Variants in MBNL2 observed in about 807,000 individuals in gnomAD.
MBNL2 encodes the protein muscleblind-like protein 2.
MBNL2 carries 17 observed loss-of-function variants against 41.9 expected under a neutral mutation model. That is an observed-to-expected ratio of 0.41 (90% confidence interval 0.28 to 0.61). MBNL2 has a LOEUF of 0.61. Ranked by LOEUF, MBNL2 falls within the 20% of genes least tolerant of loss-of-function variation. The probability of loss-of-function intolerance (pLI) is 0.35; values close to 1 mark genes in which losing one functional copy is unlikely to be tolerated. For missense variants in MBNL2, 336 were observed against 505.6 expected, an observed-to-expected ratio of 0.66 and a Z score of 3.22; for synonymous variants, 195 against 182.9, an observed-to-expected ratio of 1.07 and a Z score of -0.53.
intron 3 of MBNL2, among the ~76,000 whole-genome samples, chr13:97,337,434 C>CTCCG (rs1012831693): frequency 6.6e-6 from 1 of 152,180 alleles, no homozygotes; most frequent in African/African-American, 2.4e-5. Flanking sequence ...ACACTCCTTC[C>CTCCG]TCCGTCTCCT....
chr13:97,334,279 C>T lies in MBNL2; in HGVS notation c.178C>T (p.Arg60Cys), dbSNP rs749646129. The T allele has an allele frequency of 3.1e-6, 5 of 1,606,770 alleles. No individual in the cohort carries two copies. The highest frequency in any genetic ancestry group is 4.2e-6 in the Non-Finnish European group (5 of 1,177,224). The change falls in exon 3 of 9, where the codon CGT (arginine) becomes TGT (cysteine). Residue 60 changes from arginine to cysteine, a missense_variant. Physicochemically the swap from Arg to Cys is radical, Grantham distance 180. Coordinates refer to ENST00000679496, the MANE Select transcript of MBNL2 (RefSeq NM_001382683.1). The surrounding 1 kb of genome is among the most constrained non-coding windows in gnomAD (Gnocchi z 5.3). ...AAACCAACACTTGTTTTTACAGGGCCGTTGTTCGAGAGAGAACTGCAAGTA... is the reference window on the plus strand; with the variant it reads ...AAACCAACACTTGTTTTTACAGGGCTGTTGTTCGAGAGAGAACTGCAAGTA... ...VIACFDSLKGRCSRENCKYLH... is the reference protein window; with the variant it reads ...VIACFDSLKGCCSRENCKYLH...
At chr13:97,329,632 ACACAACAC>A in intron 2 of MBNL2, among the ~76,000 whole-genome samples, 1 of 147,958 alleles carries the variant, frequency 6.8e-6, no homozygotes, top group South Asian at 2.1e-4. Context: ...CACACTAGAC[ACACAACAC>A]ACACACAATA....
chr13:97,297,870 G>A (rs993672999), intron 2 of MBNL2, among the ~76,000 whole-genome samples: 8 of 152,092 alleles, frequency 5.3e-5, no homozygotes, highest in African/African-American at 9.6e-5. Flanking sequence ...GAAATAAGAC[G>A]AAAAGACAAA....
At chr13:97,340,944 C>T (rs2061396710) in intron 3 of MBNL2, among the ~76,000 whole-genome samples, 1 of 152,128 alleles carries the variant, frequency 6.6e-6, no homozygotes, top group Non-Finnish European at 1.5e-5. Flanking sequence ...AAGCAAAGTA[C>T]AACCCGTATT....
intron 7 of MBNL2, among the ~76,000 whole-genome samples, chr13:97,360,559 G>A (rs1355360477): frequency 1.3e-5 from 2 of 152,158 alleles, no homozygotes; most frequent in Non-Finnish European, 2.9e-5. Context: ...TTTATTCTAA[G>A]TTACTGTAAG....
At chr13:97,381,564 T>C (rs2065454265) in intron 8 of MBNL2, among the ~76,000 whole-genome samples, 2 of 151,862 alleles carry the variant, frequency 1.3e-5, no homozygotes, top group African/African-American at 4.8e-5. Context: ...GGGAGCAAAA[T>C]CTCATTTTGA....
chr13:97,221,234 A>C (rs1594050159), upstream of MBNL2, among the ~76,000 whole-genome samples: 1 of 152,282 alleles, frequency 6.6e-6, no homozygotes, highest in East Asian at 1.9e-4. Context: ...TCTTGGTCTC[A>C]TCATGTAATC....
chr13:97,180,896 T>C, the MBNL2 span, among the ~76,000 whole-genome samples: 1,353 of 152,270 alleles, frequency 8.9e-3, 18 homozygotes, highest in African/African-American at 0.031. Flanking sequence ...CCAAATGGGT[T>C]ACATTTTATT....
At chr13:97,209,976 AG>A in the MBNL2 span, among the ~76,000 whole-genome samples, 1 of 152,112 alleles carries the variant, frequency 6.6e-6, no homozygotes, top group Admixed American at 6.5e-5. Flanking sequence ...TTGTGCTTTT[AG>A]TAGAGACGGG....
At chr13:97,299,154 G>A (rs2057355879) in intron 2 of MBNL2, among the ~76,000 whole-genome samples, 1 of 152,118 alleles carries the variant, frequency 6.6e-6, no homozygotes, top group South Asian at 2.1e-4. Context: ...GATGGTTTTT[G>A]TTAGTACTAG....
chr13:97,261,545 G>A (rs1190292837), intron 1 of MBNL2, among the ~76,000 whole-genome samples: 1 of 152,138 alleles, frequency 6.6e-6, no homozygotes, highest in Non-Finnish European at 1.5e-5. Context: ...AGGGTAGATG[G>A]AGACAGCATA....
intron 2 of MBNL2, among the ~76,000 whole-genome samples, chr13:97,289,669 A>G (rs1322801201): frequency 1.3e-5 from 2 of 152,220 alleles, no homozygotes; most frequent in Non-Finnish European, 2.9e-5. Context: ...TTTAGTGCCA[A>G]GCACTATGTT....
At chr13:97,276,451 G>A (rs764806493) in intron 2 of MBNL2, 42 bp downstream of exon 2, 2 of 1,545,104 alleles carry the variant, frequency 1.3e-6, no homozygotes, top group Admixed American at 3.4e-5. Flanking sequence ...TACCACATTG[G>A]AATTGCAAAC....
chr13:97,327,302 C>T (rs1225802321), intron 2 of MBNL2, among the ~76,000 whole-genome samples: 1 of 152,088 alleles, frequency 6.6e-6, no homozygotes, highest in Non-Finnish European at 1.5e-5. Context: ...CAGAACATAC[C>T]TGGACCATTG....
chr13:97,246,322 G>T, intron 1 of MBNL2, among the ~76,000 whole-genome samples: 1 of 150,272 alleles, frequency 6.7e-6, no homozygotes, highest in Admixed American at 6.6e-5. Flanking sequence ...TATTTATGTG[G>T]GTGAATCCCT....
intron 2 of MBNL2, among the ~76,000 whole-genome samples, chr13:97,287,992 T>C (rs184950856): frequency 6.7e-6 from 1 of 149,730 alleles, no homozygotes; most frequent in East Asian, 2.0e-4. Flanking sequence ...CAGGTTGGTC[T>C]CGAACTCCTG....
intron 8 of MBNL2, among the ~76,000 whole-genome samples, chr13:97,368,505 T>G (rs909124347): frequency 6.6e-6 from 1 of 152,208 alleles, no homozygotes; most frequent in African/African-American, 2.4e-5. Flanking sequence ...TTTAGCCTTT[T>G]GGGCACTTAG....
chr13:97,196,148 G>T, the MBNL2 span, among the ~76,000 whole-genome samples: 1 of 152,102 alleles, frequency 6.6e-6, no homozygotes, highest in Non-Finnish European at 1.5e-5. Context: ...ATCCTCTGTG[G>T]GCAAGGTAGA....
chr13:97,374,063 A>ATTCTTTTTTTTTTTTT (rs2064689071), intron 8 of MBNL2, among the ~76,000 whole-genome samples: 1 of 63,128 alleles, frequency 1.6e-5, no homozygotes, highest in Admixed American at 2.3e-4. Flanking sequence ...CCTCCTTTGC[A>ATTCTTTTTTTTTTTTT]TTTTTTTTTT....
Sources: gnomAD v4.1 joint callset for allele counts (sites outside exome capture counted in the v4.1 genomes callset) on GRCh38, gnomAD v4.1.1 for gene constraint, Gnocchi (gnomAD v3.1) non-coding constraint, MANE v1.5 for transcripts, NCBI Gene and HGNC (gene_info 2026-07-23, HGNC 2026-07-21) for gene names.